The following SOS1 variants were observed in gnomAD, a reference collection of about 807,000 sequenced individuals.
SOS1 encodes SOS Ras/Rac guanine nucleotide exchange factor 1.
In SOS1, 25 loss-of-function variants were observed where a neutral mutation model predicts 157.6. The observed-to-expected ratio is 0.16, with a 90% CI of 0.12 to 0.22. SOS1 has a LOEUF of 0.22. SOS1 is among the 10% of genes least tolerant of loss of function. The pLI is 1.00. For missense variants in SOS1, 1,237 were observed against 1,599.1 expected (o/e 0.77, Z 3.86); for synonymous variants, 528 against 534.0 (o/e 0.99, Z 0.16).
chr2:39,012,430 G>A (rs114784381), intron 13 of SOS1, 82 bp from the exon 14 acceptor site: 5,970 of 582,820 alleles, frequency 0.01, 44 homozygotes, highest in African/African-American at 0.018. Context: ...AAAGTCACAC[G>A]GATGACACCT....
chr2:39,062,428 A>T (rs1297969485), intron 2 of SOS1, among the ~76,000 whole-genome samples: 2 of 145,576 alleles, frequency 1.4e-5, no homozygotes, highest in African/African-American at 2.7e-5. Context: ...AAAATAAAAA[A>T]AAAAATTAAA....
chr2:38,984,691 C>T lies in SOS1; in HGVS notation c.*1133G>A, dbSNP rs1324165532. ...TTCAACTAAAAGAAATAAGAATCAA[C>T]CATTTTCTTCATATAATAATTTAAT... On this transcript the variant is annotated 3_prime_UTR_variant, in exon 23 of 23. Transcript: ENST00000402219. 6.6e-6 allele frequency: 1 copy of T among 152,094 alleles called. No homozygotes were observed. Among genetic ancestry groups the T allele is most frequent in the Non-Finnish European group, 1.5e-5 (1 of 68,014 alleles). 9.4% of individuals were successfully genotyped at this position (152,094 alleles called of 1,614,324 possible). A position where few individuals can be genotyped will look rare whatever the true frequency, so the allele number is the denominator to read the frequency against.
At chr2:39,068,596 C>T (rs146612200) in intron 1 of SOS1, among the ~76,000 whole-genome samples, 54 of 152,290 alleles carry the variant, frequency 3.5e-4, no homozygotes, top group African/African-American at 1.3e-3. Flanking sequence ...CACAAAGTCA[C>T]CCTGTATCAA....
At chr2:39,012,453 G>A (rs1056610979) in intron 13 of SOS1, 105 bp from the exon 14 acceptor site, 17 of 429,040 alleles carry the variant, frequency 4.0e-5, no homozygotes, top group Middle Eastern at 6.8e-4. Context: ...ATGTATCTTT[G>A]CTATAAAAAG....
At chr2:39,111,211 A>C (rs79378440) in intron 1 of SOS1, among the ~76,000 whole-genome samples, 11,889 of 152,226 alleles carry the variant, frequency 0.078, 542 homozygotes, top group East Asian at 0.19. Context: ...CCAGCCTGGG[A>C]GACAGAGCAA....
Position 39,056,723 on chromosome 2 carries a change from T to C in SOS1, c.489A>G (p.Lys163=). ...RHYEITKQDI[K]VAMCADKVLM... Reference sequence around the variant, plus strand: ...CTACCTTGTCAGCACACATTGCCACTTTAATATCTTGTTTTGTAATTTCAT... The same window carrying C: ...CTACCTTGTCAGCACACATTGCCACCTTAATATCTTGTTTTGTAATTTCAT... The change falls in exon 4 of 23, where the codon AAA becomes AAG. Residue 163 remains lysine (K), a synonymous_variant. Coordinates refer to ENST00000402219, the MANE Select transcript of SOS1 (RefSeq NM_005633.4). The C allele has an allele frequency of 6.2e-7, 1 of 1,608,512 alleles. No homozygotes were observed. The highest frequency in any genetic ancestry group is 8.5e-7 in the Non-Finnish European group (1 of 1,175,026).
intron 6 of SOS1, among the ~76,000 whole-genome samples, chr2:39,048,402 T>C (rs930908966): frequency 4.6e-5 from 7 of 152,116 alleles, no homozygotes; most frequent in African/African-American, 1.4e-4. Flanking sequence ...TTTAAGATTT[T>C]CTTTTTTTTT....
chr2:39,009,074 G>A (rs906090701), intron 15 of SOS1, among the ~76,000 whole-genome samples: 1 of 151,920 alleles, frequency 6.6e-6, no homozygotes, highest in African/African-American at 2.4e-5. Context: ...ATACGGTCAC[G>A]GAATTAAAGG....
chr2:39,089,705 T>C (rs1672514053), intron 1 of SOS1, among the ~76,000 whole-genome samples: 1 of 152,148 alleles, frequency 6.6e-6, no homozygotes. Context: ...GTCTCACTTA[T>C]CTTCATATCC....
intron 1 of SOS1, among the ~76,000 whole-genome samples, chr2:39,093,520 C>A (rs1272291105): frequency 6.6e-6 from 1 of 152,096 alleles, no homozygotes; most frequent in Non-Finnish European, 1.5e-5. Flanking sequence ...TCACACTCAA[C>A]AAATATATTC....
chr2:38,993,403 T>A (rs1668793616), intron 20 of SOS1: 1 of 152,162 alleles, frequency 6.6e-6, no homozygotes, highest in Non-Finnish European at 1.5e-5. Context: ...TCAAGTGATT[T>A]TCCCACCTTG....
intron 6 of SOS1, among the ~76,000 whole-genome samples, chr2:39,043,388 A>G (rs1255614873): frequency 6.6e-6 from 1 of 152,194 alleles, no homozygotes; most frequent in Non-Finnish European, 1.5e-5. Flanking sequence ...AATGTCTCAT[A>G]GTTTTTTCTT....
Position 39,059,339 on chromosome 2 carries a change from C to T in SOS1, c.214-535G>A, listed in dbSNP as rs117625333. On this transcript the variant is annotated intron_variant, in intron 2 of 22. Coordinates refer to ENST00000402219, the MANE Select transcript of SOS1 (RefSeq NM_005633.4). ...AATACATTGTAGTTTCTTTAAAGTC[C>T]TCCCATAGTCATTCGTTTTTAACAA... Among the ~76,000 whole-genome samples the T allele has an allele frequency of 2.6e-4, 40 of 152,236 alleles. No homozygotes were observed. The East Asian group carries it at 7.5e-3, about 29-fold the overall frequency.
At chr2:39,046,453 A>G (rs1670786301) in intron 6 of SOS1, among the ~76,000 whole-genome samples, 1 of 150,968 alleles carries the variant, frequency 6.6e-6, no homozygotes, top group African/African-American at 2.5e-5. Flanking sequence ...TTATCAACAC[A>G]CTTTCTAATT....
rs1351938740 is a variant in SOS1 at position 39,120,351 on chromosome 2, C to G, written c.72G>C (p.Val24=). 1.9e-6 allele frequency: 3 copies of G among 1,591,366 alleles called. No homozygotes were observed. The highest frequency in any genetic ancestry group is 2.6e-6 in the Non-Finnish European group (3 of 1,169,972). The change falls in exon 1 of 23, where the codon GTG becomes GTC. Residue 24 remains valine, a synonymous_variant. Transcript: ENST00000402219. ...ENAPKWRGLL[V]PALKKVQGQV... is the part of the protein sequence containing the mutation. ...TGCTCCTCACCTTTTTCAGCGCAGG[C>G]ACCAGTAGTCCCCGCCACTTGGGCG...
chr2:39,118,451 CTATTT>C lies in SOS1; in HGVS notation c.87+1880_87+1884del, dbSNP rs570524744. Among the ~76,000 whole-genome samples, 655 of 152,278 alleles carry C rather than the reference CTATTT, an allele frequency of 4.3e-3. 2 individuals carry two copies. The highest frequency in any genetic ancestry group is 6.8e-3 in the Non-Finnish European group (462 of 68,020). ...TCTTGTTTAGAATCATTGTTAGTGG[CTATTT>C]AAATAAGAATTGGAAGAACCTTACA... is the stretch of plus-strand genomic sequence containing the variant. On this transcript the variant is annotated intron_variant, in intron 1 of 22. Transcript: ENST00000402219.
intron 14 of SOS1, among the ~76,000 whole-genome samples, chr2:39,010,961 T>C (rs1215039399): frequency 6.8e-6 from 1 of 148,022 alleles, no homozygotes; most frequent in Non-Finnish European, 1.5e-5. Flanking sequence ...AATGGCATGA[T>C]CTTGGCTCAC....
intron 10 of SOS1, among the ~76,000 whole-genome samples, chr2:39,019,203 C>T (rs1333502240): frequency 6.6e-6 from 1 of 151,704 alleles, no homozygotes; most frequent in African/African-American, 2.4e-5. Context: ...ATATGCAAAG[C>T]TTTTATTTCC....
At chr2:39,089,530 CAA>C (rs56688960) in intron 1 of SOS1, among the ~76,000 whole-genome samples, 2 of 118,128 alleles carry the variant, frequency 1.7e-5, no homozygotes, top group Admixed American at 9.3e-5. Context: ...ACTCTGTCTC[CAA>C]AAAAAAAAAA....
Sources: allele counts gnomAD v4.1 joint callset (sites outside exome capture counted in the v4.1 genomes callset), GRCh38; gene constraint gnomAD v4.1.1; transcripts MANE v1.5; gene names NCBI Gene and HGNC (gene_info 2026-07-23, HGNC 2026-07-21).